The following NINL variants were observed in gnomAD, a reference collection of about 807,000 sequenced individuals.
NINL encodes ninein-like protein.
NINL carries 153 observed loss-of-function variants against 160.3 expected under a neutral mutation model. The ratio of observed to expected loss-of-function variants is 0.95; its 90% CI spans 0.84 to 1.09. The LOEUF (loss-of-function observed/expected upper bound fraction) is 1.09. Ranked by LOEUF, NINL falls within the 50% of genes least tolerant of loss-of-function variation. NINL has a pLI of 0.00. For missense variants in NINL, 1,829 were observed against 1,764.0 expected (o/e 1.04, Z -0.66); for synonymous variants, 800 against 734.8 (o/e 1.09, Z -1.43).
intron 2 of NINL, 44 bp from the exon 3 acceptor site, chr20:25,517,893 G>A: frequency 7.9e-7 from 1 of 1,269,414 alleles, no homozygotes; most frequent in Non-Finnish European, 1.1e-6. Context: ...ACTTTCAACA[G>A]ATCACACAAT....
chr20:25,573,053 T>G (rs1203158319), intron 1 of NINL, among the ~76,000 whole-genome samples: 2 of 152,106 alleles, frequency 1.3e-5, no homozygotes, highest in Non-Finnish European at 2.9e-5. Flanking sequence ...TCTCAGCACT[T>G]TGGGAGGCCG....
chr20:25,490,446 G>T (rs1377374333), intron 11 of NINL, among the ~76,000 whole-genome samples: 1 of 151,952 alleles, frequency 6.6e-6, no homozygotes, highest in Non-Finnish European at 1.5e-5. Context: ...TGTAGTTCCA[G>T]CTACTCAGGA....
At chr20:25,517,904 T>C (rs1314701253) in intron 2 of NINL, 55 bp from the exon 3 acceptor site, 4 of 1,130,930 alleles carry the variant, frequency 3.5e-6, no homozygotes, top group Non-Finnish European at 5.1e-6. Flanking sequence ...ATCACACAAT[T>C]CAAAAGTGAC....
intron 1 of NINL, among the ~76,000 whole-genome samples, chr20:25,530,784 A>C (rs1246058034): frequency 6.6e-6 from 1 of 152,154 alleles, no homozygotes; most frequent in African/African-American, 2.4e-5. Flanking sequence ...CGTGCTTCAT[A>C]AGGTAATAGA....
intron 1 of NINL, among the ~76,000 whole-genome samples, chr20:25,579,138 AG>A (rs1341756137): frequency 6.6e-6 from 1 of 152,118 alleles, no homozygotes; most frequent in Non-Finnish European, 1.5e-5. Flanking sequence ...AGTCCCTCGG[AG>A]GCAGTAAGGG....
intron 17 of NINL, among the ~76,000 whole-genome samples, chr20:25,475,138 A>ACAATCTCAGCTGTAATCTCAG (rs1163462861): frequency 1.3e-5 from 2 of 150,232 alleles, no homozygotes; most frequent in East Asian, 4.1e-4. Context: ...AATCCCAGCT[A>ACAATCTCAGCTGTAATCTCAG]CTCAGGAGGC....
intron 4 of NINL, 51 bp downstream of exon 4, chr20:25,512,783 T>G (rs1227399287): frequency 9.1e-6 from 14 of 1,536,668 alleles, no homozygotes; most frequent in Non-Finnish European, 1.2e-5. Context: ...AAGGGAAGCA[T>G]TTGTTATTCC....
In NINL at chr20:25,479,914, G is replaced by T. The variant is rs6115194; in HGVS notation, c.1917+247C>A. On this transcript the variant is annotated intron_variant, in intron 15 of 23. Transcript: ENST00000278886. ...TGCGCTGCCTCAAGTATCCCCTTGT[G>T]ACACTCCAGAGTATCACACCATTCC... is the stretch of plus-strand genomic sequence containing the variant. 6.4e-3 allele frequency among the ~76,000 whole-genome samples: 970 copies of T among 152,356 alleles called. 18 individuals are homozygous for T. The highest frequency in any genetic ancestry group is 0.022 in the African/African-American group (921 of 41,576).
intron 1 of NINL, among the ~76,000 whole-genome samples, chr20:25,578,261 C>T (rs1003362050): frequency 6.6e-6 from 1 of 151,826 alleles, no homozygotes; most frequent in Non-Finnish European, 1.5e-5. Flanking sequence ...GTGTGCCCCA[C>T]CACACCTGGC....
intron 1 of NINL, among the ~76,000 whole-genome samples, chr20:25,527,515 T>A (rs2064381503): frequency 6.6e-6 from 1 of 152,056 alleles, no homozygotes; most frequent in Non-Finnish European, 1.5e-5. Flanking sequence ...GTTTCTGTTT[T>A]TTTTTCAAAT....
chr20:25,531,671 C>G (rs543512649), intron 1 of NINL, among the ~76,000 whole-genome samples: 1 of 152,182 alleles, frequency 6.6e-6, no homozygotes. Flanking sequence ...CCTTCCTCTT[C>G]GTGAGCTCTG....
intron 2 of NINL, among the ~76,000 whole-genome samples, chr20:25,524,528 T>C (rs1396213577): frequency 3.3e-5 from 5 of 151,984 alleles, no homozygotes; most frequent in African/African-American, 1.2e-4. Context: ...TTTCTTCTCA[T>C]CCCCTCCCCA....
At position 25,533,656 on chromosome 20, in the gene NINL, G is replaced by T. The variant is rs1234679332; in HGVS notation, c.-11-7058C>A. ...TGCATACAAATGATCTTCAACAAGG[G>T]TGTCAAGACCACAAAACGGGAAAAA... On this transcript the variant is annotated intron_variant, in intron 1 of 23. Coordinates refer to ENST00000278886, the MANE Select transcript of NINL (RefSeq NM_025176.6). 4.6e-5 allele frequency among the ~76,000 whole-genome samples: 7 copies of T among 152,172 alleles called. No individual in the cohort carries two copies. In the East Asian group the frequency reaches 7.7e-4, roughly 17 times the overall value.
At chr20:25,582,157 A>T (rs2147213515) in intron 1 of NINL, among the ~76,000 whole-genome samples, 1 of 152,320 alleles carries the variant, frequency 6.6e-6, no homozygotes, top group African/African-American at 2.4e-5. Flanking sequence ...CAGGAGGCTG[A>T]GGCAGGGGAA....
At chr20:25,517,396 C>T (rs1430277407) in intron 3 of NINL, among the ~76,000 whole-genome samples, 3 of 152,214 alleles carry the variant, frequency 2.0e-5, no homozygotes, top group African/African-American at 7.2e-5. Context: ...CATCCCAGCA[C>T]CTTGAGGCTG....
intron 9 of NINL, among the ~76,000 whole-genome samples, chr20:25,497,617 C>G (rs1337444210): frequency 6.6e-6 from 1 of 152,248 alleles, no homozygotes; most frequent in African/African-American, 2.4e-5. Flanking sequence ...CCTGAATGGT[C>G]AGCCAAACCA....
intron 19 of NINL, 50 bp downstream of exon 19, chr20:25,467,339 G>GA (rs1568847705): frequency 1.5e-6 from 2 of 1,365,768 alleles, no homozygotes; most frequent in Non-Finnish European, 2.1e-6. Flanking sequence ...TCAAAATAAT[G>GA]AAAAAAAGGA....
At chr20:25,478,853 A>C in intron 16 of NINL, 70 bp downstream of exon 16, 3 of 1,475,566 alleles carry the variant, frequency 2.0e-6, no homozygotes, top group African/African-American at 1.4e-5. Flanking sequence ...TTGTTTCCTA[A>C]GTCTAATTTC....
At chr20:25,555,610 A>G (rs978482134) in intron 1 of NINL, among the ~76,000 whole-genome samples, 3 of 152,184 alleles carry the variant, frequency 2.0e-5, no homozygotes, top group Non-Finnish European at 4.4e-5. Context: ...TTCTGCCTGT[A>G]ATCCCAGCAC....
Sources: gnomAD v4.1 joint callset for allele counts (sites outside exome capture counted in the v4.1 genomes callset) on GRCh38, gnomAD v4.1.1 for gene constraint, MANE v1.5 for transcripts, NCBI Gene and HGNC (gene_info 2026-07-23, HGNC 2026-07-21) for gene names.